Variants in FLOT1 observed in about 807,000 individuals in gnomAD.
The protein encoded by FLOT1 is flotillin-1.
Under a neutral mutation model 58.4 loss-of-function variants are expected in FLOT1, and 40 were observed. The observed-to-expected ratio is 0.69, with a 90% CI of 0.53 to 0.89. FLOT1 has a LOEUF of 0.89. Ranked by LOEUF, FLOT1 falls within the 40% of genes least tolerant of loss-of-function variation. FLOT1 has a pLI of 0.00. For missense variants in FLOT1, 423 were observed against 540.8 expected (o/e 0.78, Z 2.16); for synonymous variants, 178 against 204.2 (o/e 0.87, Z 1.09).
chr6:30,728,120 G>A lies in FLOT1; in HGVS notation c.1280C>T (p.Ala427Val). ...GCATCTGTGAGGGCTGAAGGCTCAGGCTGTTCTCAAAGGCTTGTGATTCAC... is the reference window on the plus strand; with the variant it reads ...GCATCTGTGAGGGCTGAAGGCTCAGACTGTTCTCAAAGGCTTGTGATTCAC... Reference protein sequence around the residue: ...SQVNHKPLRTA With the variant: ...SQVNHKPLRTV The change falls in exon 13 of 13, where the codon GCC becomes GTC. Residue 427 changes from alanine (A) to valine (V), a missense_variant. By Grantham distance (64) the Ala-to-Val change is moderately conservative. Coordinates refer to ENST00000376389, the MANE Select transcript of FLOT1 (RefSeq NM_005803.4). The A allele has an allele frequency of 6.2e-7, 1 of 1,612,916 alleles. No individual in the cohort carries two copies. The highest frequency in any genetic ancestry group is 8.5e-7 in the Non-Finnish European group (1 of 1,179,906).
chr6:30,727,787 C>A lies in FLOT1; in HGVS notation c.*329G>T, dbSNP rs866266390. On this transcript the variant is annotated 3_prime_UTR_variant, in exon 13 of 13. Transcript: ENST00000376389. ...GGTAGCAAAGTTGAAAACCTCCAGC[C>A]CATCCCTCAGTCTTGGTCAGGAAAA... The A allele has an allele frequency of 1.8e-4, 84 of 477,926 alleles. 1 individual carries two copies. The East Asian group carries it at 2.7e-3, about 15-fold the overall frequency. 29.6% of individuals were successfully genotyped at this position (477,926 alleles called of 1,614,324 possible). A position where few individuals can be genotyped will look rare whatever the true frequency, so the allele number is the denominator to read the frequency against.
intron 8 of FLOT1, among the ~76,000 whole-genome samples, chr6:30,736,911 C>T (rs966326670): frequency 2.6e-5 from 4 of 151,900 alleles, no homozygotes; most frequent in African/African-American, 7.2e-5. Flanking sequence ...TCTCTTTGCC[C>T]GTTCTCCACA....
At position 30,730,428 on chromosome 6, in the gene FLOT1, C is replaced by T. The variant is rs1028338180; in HGVS notation, c.1089G>A (p.Gln363=). 6.4e-7 allele frequency: 1 copy of T among 1,565,256 alleles called. No individual in the cohort carries two copies. Among genetic ancestry groups the T allele is most frequent in the Admixed American group, 1.9e-5 (1 of 53,628 alleles). ...QLDMLLEKLP[Q]VAEEISGPLT... is the part of the protein sequence containing the mutation. ...CTTGGTGCCCACATGACCTCCAGAC[C>T]TGGGGCAGCTTCTCTAGCAGCATGT... is the stretch of plus-strand genomic sequence containing the variant. Residue 363 remains glutamine (Q), a splice_region_variant and synonymous_variant, in exon 11 of 13, where the codon CAG becomes CAA. Coordinates refer to ENST00000376389, the MANE Select transcript of FLOT1 (RefSeq NM_005803.4).
intron 8 of FLOT1, 95 bp from the exon 9 acceptor site, chr6:30,731,195 G>T: frequency 7.5e-7 from 1 of 1,333,154 alleles, no homozygotes; most frequent in South Asian, 1.4e-5. Context: ...ATAAAAATAG[G>T]AGCCGGTGGC....
At chr6:30,732,784 A>G (rs1777291932) in intron 8 of FLOT1, among the ~76,000 whole-genome samples, 2 of 152,266 alleles carry the variant, frequency 1.3e-5, no homozygotes, top group African/African-American at 4.8e-5. Flanking sequence ...TCCAGAGAGA[A>G]GCATAGCTCT....
At position 30,741,748 on chromosome 6, in the gene FLOT1, A is replaced by T. The variant is rs1778000958; in HGVS notation, c.119+44T>A. ...ACAGACAGTAAGAAGAGGAGGAAAAAGAGAAAACGGAGGTCCCCCTTCCCT... is the reference window on the plus strand; with the variant it reads ...ACAGACAGTAAGAAGAGGAGGAAAATGAGAAAACGGAGGTCCCCCTTCCCT... On this transcript the variant is annotated intron_variant, in intron 3 of 12. Coordinates refer to ENST00000376389, the MANE Select transcript of FLOT1 (RefSeq NM_005803.4). The surrounding 1 kb of genome is among the most constrained non-coding windows in gnomAD (Gnocchi z 5.9). 2 of 1,610,482 alleles carry T rather than the reference A, an allele frequency of 1.2e-6. No homozygotes were observed. Among genetic ancestry groups the T allele is most frequent in the East Asian group, 2.2e-5 (1 of 44,878 alleles).
At chr6:30,735,448 T>TAA (rs540194352) in intron 8 of FLOT1, among the ~76,000 whole-genome samples, 5 of 126,362 alleles carry the variant, frequency 4.0e-5, no homozygotes, top group East Asian at 4.5e-4. Flanking sequence ...CCCTCTCTAC[T>TAA]AAAAAAAAAA....
rs2127757695 is a variant in FLOT1, at chr6:30,727,839, C to T, written c.*277G>A. On this transcript the variant is annotated 3_prime_UTR_variant, in exon 13 of 13. Coordinates refer to ENST00000376389, the MANE Select transcript of FLOT1 (RefSeq NM_005803.4). The stretch of plus-strand genomic sequence containing the variant: ...ATTCTAGACAACAGGCTCAAACAGT[C>T]TGATTTAATTAGGAAGTTAAATAAG... The T allele has an allele frequency of 1.7e-6, 1 of 582,360 alleles. No individual in the cohort carries two copies. The highest frequency in any genetic ancestry group is 3.1e-6 in the Non-Finnish European group (1 of 325,954). The allele number at this position is 582,360 out of a possible 1,614,324, so 36.1% of individuals were successfully genotyped here. A position where few individuals can be genotyped will look rare whatever the true frequency, so the allele number is the denominator to read the frequency against.
Position 30,737,827 on chromosome 6 carries a change from G to A in FLOT1, c.723+2331C>T, listed in dbSNP as rs1256285927. Among the ~76,000 whole-genome samples the A allele has an allele frequency of 6.6e-6, 1 of 152,152 alleles. No homozygotes were observed. The highest frequency in any genetic ancestry group is 1.5e-5 in the Non-Finnish European group (1 of 68,028). On this transcript the variant is annotated intron_variant, in intron 8 of 12. Coordinates refer to ENST00000376389, the MANE Select transcript of FLOT1 (RefSeq NM_005803.4). The surrounding 1 kb of genome is among the most constrained non-coding windows in gnomAD (Gnocchi z 4.4). Reference sequence around the variant, plus strand: ...TGTTTCCTGTGTCATAATGTAAGCTGCATAAGGGCAGGAATCTTTTCTGCC... The same window carrying A: ...TGTTTCCTGTGTCATAATGTAAGCTACATAAGGGCAGGAATCTTTTCTGCC...
intron 7 of FLOT1, 68 bp downstream of exon 7, chr6:30,740,428 A>G (rs1484888869): frequency 1.4e-5 from 22 of 1,587,854 alleles, no homozygotes; most frequent in Non-Finnish European, 1.7e-5. Context: ...CTCACCCAGC[A>G]CCCCTGCTTC....
rs1395186793 is a variant in FLOT1 at position 30,737,222 on chromosome 6, G to GTCCA, written c.723+2935_723+2936insTGGA. Among the ~76,000 whole-genome samples, 6 of 135,904 alleles carry GTCCA rather than the reference G, an allele frequency of 4.4e-5. No homozygotes were observed. In the South Asian group the frequency reaches 7.2e-4, roughly 16 times the overall value. 89.2% of individuals were successfully genotyped at this position (135,904 alleles called of 152,430 possible). ...CTGACTGTCTGTCGTCCGTCCGTCC[G>GTCCA]TCCGTCCGTCCGTCCGTCCGTCCGT... On this transcript the variant is annotated intron_variant, in intron 8 of 12. Coordinates refer to ENST00000376389, the MANE Select transcript of FLOT1 (RefSeq NM_005803.4). This position sits in a 1 kb window ranked among gnomAD's most constrained non-coding sequence, Gnocchi z 4.4.
chr6:30,740,164 C>G lies in FLOT1; in HGVS notation c.717G>C (p.Gln239His). Residue 239 changes from glutamine (Q) to histidine (H), a missense_variant, in exon 8 of 13, where the codon CAG (glutamine) becomes CAC (histidine). Gln to His is a conservative substitution (Grantham distance 24). This residue lies in a region of FLOT1 where 137 missense variants were observed against 194.6 expected (regional missense o/e 0.70). Coordinates refer to ENST00000376389, the MANE Select transcript of FLOT1 (RefSeq NM_005803.4). The part of the protein sequence containing the change: ...TRRAQADLAY[Q>H]LQVAKTKQQI... ...GCCTGGCAGTGGCTCTGACCTGAAG[C>G]TGATAGGCCAGGTCAGCCTGTGCTC... 1 of 1,612,892 alleles carries G rather than the reference C, an allele frequency of 6.2e-7. No individual in the cohort carries two copies. Among genetic ancestry groups the G allele is most frequent in the Non-Finnish European group, 8.5e-7 (1 of 1,179,942 alleles).
Position 30,741,394 on chromosome 6 carries a change from CAG to C in FLOT1, c.211-63_211-62del. ...GGGTCTCATGAAGTCAGAGAAAAAG[CAG>C]AGAGAGAAGGGAGAGCCCTCTAAGA... On this transcript the variant is annotated intron_variant, in intron 4 of 12. Transcript: ENST00000376389. This position sits in a 1 kb window ranked among gnomAD's most constrained non-coding sequence, Gnocchi z 5.9. The C allele has an allele frequency of 1.9e-6, 3 of 1,597,966 alleles. No individual in the cohort carries two copies. The highest frequency in any genetic ancestry group is 1.1e-5 in the South Asian group (1 of 90,666).
intron 8 of FLOT1, among the ~76,000 whole-genome samples, chr6:30,732,720 A>G (rs9262155): frequency 0.15 from 22,863 of 152,064 alleles, 2,444 homozygotes; most frequent in East Asian, 0.48. Flanking sequence ...AGGTCTCATC[A>G]ATACATGTGA....
At chr6:30,739,306 G>A (rs749153756) in intron 8 of FLOT1, among the ~76,000 whole-genome samples, 19 of 152,124 alleles carry the variant, frequency 1.2e-4, no homozygotes, top group Non-Finnish European at 2.1e-4. Flanking sequence ...GCCTTTGCAC[G>A]GGCACAGCCT....
chr6:30,740,834 GTTTTTTTTT>G (rs34375360), intron 5 of FLOT1, 36 bp from the exon 6 acceptor site: 2 of 1,314,016 alleles, frequency 1.5e-6, no homozygotes, highest in African/African-American at 1.7e-5. Flanking sequence ...AGGGATGTAA[GTTTTTTTTT>G]TTTTTTTTTT....
rs149130874 is a variant in FLOT1, at chr6:30,741,615, T to G, written c.209A>C (p.Gln70Pro). 3 of 1,609,710 alleles carry G rather than the reference T, an allele frequency of 1.9e-6. No homozygotes were observed. Among genetic ancestry groups the G allele is most frequent in the Non-Finnish European group, 2.5e-6 (3 of 1,177,218 alleles). The change falls in exon 4 of 13, where the codon CAG becomes CCG. Residue 70 changes from glutamine (Q) to proline (P), a missense_variant and splice_region_variant. Physicochemically the swap from Gln to Pro is moderately conservative, Grantham distance 76. Coordinates refer to ENST00000376389, the MANE Select transcript of FLOT1 (RefSeq NM_005803.4). This position sits in a 1 kb window ranked among gnomAD's most constrained non-coding sequence, Gnocchi z 5.9. ...GVPISVTGIA[Q>P]VKIQGQNKEM... ...GGGAAAAGGCTCTGAAAGCTTCACCTGGGCAATGCCAGTGACTGAGATGGG... is the reference window on the plus strand; with the variant it reads ...GGGAAAAGGCTCTGAAAGCTTCACCGGGGCAATGCCAGTGACTGAGATGGG...
intron 8 of FLOT1, among the ~76,000 whole-genome samples, chr6:30,733,644 G>C (rs1777352959): frequency 6.6e-6 from 1 of 151,610 alleles, no homozygotes; most frequent in Admixed American, 6.6e-5. Context: ...GGGAAGCTGA[G>C]GTAGGAGAAT....
chr6:30,728,968 C>T (rs537331515), intron 12 of FLOT1, among the ~76,000 whole-genome samples: 65 of 151,722 alleles, frequency 4.3e-4, no homozygotes, highest in African/African-American at 1.5e-3. Context: ...TTAGTAGAGA[C>T]GGGGTTTCAC....
Sources: gnomAD v4.1 joint callset for allele counts (sites outside exome capture counted in the v4.1 genomes callset) on GRCh38, gnomAD v4.1.1 for gene constraint, gnomAD v4.1.1 regional missense constraint, Gnocchi (gnomAD v3.1) non-coding constraint, MANE v1.5 for transcripts, NCBI Gene and HGNC (gene_info 2026-07-23, HGNC 2026-07-21) for gene names.